Variants in AADACL2 observed in about 807,000 individuals in gnomAD.
AADACL2 encodes the protein arylacetamide deacetylase-like 2.
A neutral mutation model predicts 22.3 loss-of-function variants in AADACL2; 23 were observed. The ratio of observed to expected loss-of-function variants is 1.03; its 90% CI spans 0.74 to 1.46. The LOEUF (loss-of-function observed/expected upper bound fraction) is 1.46, where lower values mean the gene tolerates loss of function less well. AADACL2 is among the 40% of genes most tolerant of loss of function. The probability of loss-of-function intolerance (pLI) is 0.00; values close to 1 mark genes in which losing one functional copy is unlikely to be tolerated. For missense variants in AADACL2, 472 were observed against 482.9 expected, an observed-to-expected ratio of 0.98 and a Z score of 0.21; for synonymous variants, 177 against 166.2, an observed-to-expected ratio of 1.07 and a Z score of -0.50.
chr3:151,739,595 C>G (rs563561659), intron 1 of AADACL2, among the ~76,000 whole-genome samples: 1 of 152,180 alleles, frequency 6.6e-6, no homozygotes, highest in Non-Finnish European at 1.5e-5. Flanking sequence ...AGTTTAGGTC[C>G]GCTGAAGCTG....
intron 4 of AADACL2, among the ~76,000 whole-genome samples, chr3:151,748,066 C>T (rs1270760328): frequency 6.6e-6 from 1 of 152,014 alleles, no homozygotes; most frequent in Non-Finnish European, 1.5e-5. Context: ...TGTAGAGTGT[C>T]TCTTCACTCT....
intron 1 of AADACL2, among the ~76,000 whole-genome samples, chr3:151,739,474 T>C (rs1713204168): frequency 6.6e-6 from 1 of 152,082 alleles, no homozygotes; most frequent in African/African-American, 2.4e-5. Flanking sequence ...GGCACAGGGG[T>C]CAGCGAACCA....
At chr3:151,756,521 A>AT (rs58540177) in intron 4 of AADACL2, among the ~76,000 whole-genome samples, 17 of 151,272 alleles carry the variant, frequency 1.1e-4, no homozygotes, top group African/African-American at 2.4e-4. Context: ...AATGTTTAAG[A>AT]TTTTTTTTTA....
chr3:151,739,563 C>T (rs907849957), intron 1 of AADACL2, among the ~76,000 whole-genome samples: 3 of 152,220 alleles, frequency 2.0e-5, no homozygotes, highest in Non-Finnish European at 4.4e-5. Flanking sequence ...CAGCTGCTCT[C>T]TTCAGAGCCA....
intron 4 of AADACL2, among the ~76,000 whole-genome samples, chr3:151,750,880 C>T (rs1397922845): frequency 6.6e-6 from 1 of 152,104 alleles, no homozygotes; most frequent in Non-Finnish European, 1.5e-5. Context: ...TGACATCATA[C>T]ACACAAAACC....
rs576070783 is a variant in AADACL2, at chr3:151,759,330, A to G, written c.*1736A>G. The stretch of plus-strand genomic sequence containing the variant: ...CTAATTAGGAAAACAAGTCCTAGAA[A>G]TCTCTTCATTTTGACAGCAAGTGCT... On this transcript the variant is annotated 3_prime_UTR_variant, in exon 5 of 5. Coordinates refer to ENST00000356517, the MANE Select transcript of AADACL2 (RefSeq NM_207365.4). 3 of 152,306 alleles carry G rather than the reference A, an allele frequency of 2.0e-5. No individual in the cohort carries two copies. In the South Asian group the frequency reaches 6.2e-4, roughly 32 times the overall value. 9.4% of individuals were successfully genotyped at this position (152,306 alleles called of 1,614,324 possible).
intron 2 of AADACL2, among the ~76,000 whole-genome samples, chr3:151,741,970 T>C (rs1003502081): frequency 2.0e-5 from 3 of 152,194 alleles, no homozygotes; most frequent in African/African-American, 7.2e-5. Flanking sequence ...AGATGTCTTT[T>C]GTCAATATTT....
At chr3:151,750,676 CTATT>C (rs900137932) in intron 4 of AADACL2, among the ~76,000 whole-genome samples, 18 of 152,040 alleles carry the variant, frequency 1.2e-4, no homozygotes, top group African/African-American at 4.3e-4. Context: ...AGGTGCCTCT[CTATT>C]TATTTTTTAA....
At chr3:151,755,045 T>C (rs1463774110) in intron 4 of AADACL2, 1 of 152,162 alleles carries the variant, frequency 6.6e-6, no homozygotes, top group Admixed American at 6.6e-5. Flanking sequence ...GATAGGTCAA[T>C]AATTCAGCAT....
intron 2 of AADACL2, among the ~76,000 whole-genome samples, chr3:151,741,768 G>C (rs1713285363): frequency 6.6e-6 from 1 of 152,028 alleles, no homozygotes; most frequent in Non-Finnish European, 1.5e-5. Flanking sequence ...CCTAGGACTT[G>C]AGTAAGCACA....
At chr3:151,752,598 T>A (rs1433116571) in intron 4 of AADACL2, among the ~76,000 whole-genome samples, 2 of 152,192 alleles carry the variant, frequency 1.3e-5, no homozygotes, top group Non-Finnish European at 2.9e-5. Flanking sequence ...TTCTAAACTT[T>A]AATCATATCA....
Position 151,758,267 on chromosome 3 carries a change from A to G in AADACL2, c.*673A>G, listed in dbSNP as rs931385791. On this transcript the variant is annotated 3_prime_UTR_variant, in exon 5 of 5. Coordinates refer to ENST00000356517, the MANE Select transcript of AADACL2 (RefSeq NM_207365.4). ...GATCAGTTTAATCTTGAAGGCCAGC[A>G]TCTTCCAATCTCTTTCTGCTTCATC... is the stretch of plus-strand genomic sequence containing the variant. 6.6e-6 allele frequency: 1 copy of G among 152,120 alleles called. No individual in the cohort carries two copies. Among genetic ancestry groups the G allele is most frequent in the African/African-American group, 2.4e-5 (1 of 41,394 alleles). 9.4% of individuals were successfully genotyped at this position (152,120 alleles called of 1,614,324 possible). A position where few individuals can be genotyped will look rare whatever the true frequency, so the allele number is the denominator to read the frequency against.
chr3:151,756,656 T>C (rs1713918752), intron 4 of AADACL2, among the ~76,000 whole-genome samples: 1 of 152,022 alleles, frequency 6.6e-6, no homozygotes, highest in Non-Finnish European at 1.5e-5. Context: ...GAAATATCTT[T>C]AGAATTGGAT....
At chr3:151,734,663 T>A (rs1713033897) in intron 1 of AADACL2, among the ~76,000 whole-genome samples, 1 of 152,200 alleles carries the variant, frequency 6.6e-6, no homozygotes, top group Non-Finnish European at 1.5e-5. Flanking sequence ...ACTTGGCATG[T>A]GCAGAATGAA....
chr3:151,750,910 G>A (rs1189002178), intron 4 of AADACL2, among the ~76,000 whole-genome samples: 1 of 152,094 alleles, frequency 6.6e-6, no homozygotes, highest in Non-Finnish European at 1.5e-5. Context: ...AACCAAAATT[G>A]TAGTGATAAC....
At chr3:151,755,708 T>C (rs753951078) in intron 4 of AADACL2, among the ~76,000 whole-genome samples, 30 of 152,162 alleles carry the variant, frequency 2.0e-4, no homozygotes, top group South Asian at 2.1e-4. Flanking sequence ...ACTTATTTCA[T>C]ATGGCATTCC....
At chr3:151,744,025 A>G (rs1713359430) in intron 2 of AADACL2, 68 bp from the exon 3 acceptor site, 3 of 1,503,740 alleles carry the variant, frequency 2.0e-6, no homozygotes, top group African/African-American at 1.4e-5. Flanking sequence ...TTCCACATTC[A>G]TATCTGTAAC....
chr3:151,745,453 T>C lies in AADACL2; in HGVS notation c.432-56T>C, dbSNP rs772584397. 3.2e-5 allele frequency: 49 copies of C among 1,532,232 alleles called. No individual in the cohort carries two copies. The South Asian group carries it at 3.4e-4, about 10-fold the overall frequency. 94.9% of individuals were successfully genotyped at this position (1,532,232 alleles called of 1,614,324 possible). On this transcript the variant is annotated intron_variant, in intron 3 of 4. Transcript: ENST00000356517. ...GCATTAAATTGCATCTATTTGGTAT[T>C]TGAGAATTAGATGGACAGATACAAC...
intron 4 of AADACL2, among the ~76,000 whole-genome samples, chr3:151,752,631 C>T (rs1440788303): frequency 1.3e-5 from 2 of 152,100 alleles, no homozygotes; most frequent in African/African-American, 4.8e-5. Context: ...TTCATGGCCA[C>T]ATTTTATTTT....
Sources: gnomAD v4.1 joint callset for allele counts (sites outside exome capture counted in the v4.1 genomes callset) on GRCh38, gnomAD v4.1.1 for gene constraint, MANE v1.5 for transcripts, NCBI Gene and HGNC (gene_info 2026-07-23, HGNC 2026-07-21) for gene names.